ABCC1: variants seen among roughly 807,000 people sequenced by gnomAD.
ABCC1 encodes the protein ATP binding cassette subfamily C member 1 (ABCC1 blood group), also known as multidrug resistance-associated protein 1.
Under a neutral mutation model 172.9 loss-of-function variants are expected in ABCC1, and 83 were observed. That is an observed-to-expected ratio of 0.48 (90% CI 0.40 to 0.58). The LOEUF is 0.58. ABCC1 is among the 20% of genes least tolerant of loss of function. The pLI is 0.00. For missense variants in ABCC1, 1,817 were observed against 2,002.7 expected (o/e 0.91, Z 1.77); for synonymous variants, 937 against 825.2 (o/e 1.14, Z -2.32).
At chr16:16,122,374 G>A (rs551843207) in intron 24 of ABCC1, among the ~76,000 whole-genome samples, 200 bp downstream of exon 24, 2 of 152,152 alleles carry the variant, frequency 1.3e-5, no homozygotes, top group African/African-American at 2.4e-5. Flanking sequence ...TGCAGTGCCC[G>A]CGGCATTTAA....
At chr16:16,042,635 G>A (rs1419794725) in intron 7 of ABCC1, among the ~76,000 whole-genome samples, 2 of 151,766 alleles carry the variant, frequency 1.3e-5, no homozygotes, top group Admixed American at 6.6e-5. Flanking sequence ...CGCAGGAGGC[G>A]GAGGTTGCAG....
chr16:16,002,028 T>A lies in ABCC1; in HGVS notation c.49-5788T>A, dbSNP rs531637829. Among the ~76,000 whole-genome samples the A allele has an allele frequency of 3.3e-5, 5 of 152,306 alleles. No homozygotes were observed. The South Asian group carries it at 1.0e-3, about 32-fold the overall frequency. ...CCACCACACCTGGCAGAGAAAGTGA[T>A]CTTATCAACACTCTTGCTTGAGTGT... On this transcript the variant is annotated intron_variant, in intron 1 of 30. Coordinates refer to ENST00000399410, the MANE Select transcript of ABCC1 (RefSeq NM_004996.4).
intron 1 of ABCC1, among the ~76,000 whole-genome samples, chr16:15,950,599 T>A (rs930642179): frequency 2.0e-5 from 3 of 152,158 alleles, no homozygotes; most frequent in African/African-American, 7.2e-5. Flanking sequence ...CCTGACTGGG[T>A]GTCTGGAGTC....
Position 16,102,864 on chromosome 16 carries a change from T to A in ABCC1, c.2735+147T>A, listed in dbSNP as rs573796774. 8.1e-6 allele frequency: 6 copies of A among 743,280 alleles called. No individual in the cohort carries two copies. In the Admixed American group the frequency reaches 1.4e-4, roughly 18 times the overall value. The allele number at this position is 743,280 out of a possible 1,614,324, so 46.0% of individuals were successfully genotyped here. A position where few individuals can be genotyped will look rare whatever the true frequency, so the allele number is the denominator to read the frequency against. On this transcript the variant is annotated intron_variant, in intron 20 of 30. Coordinates refer to ENST00000399410, the MANE Select transcript of ABCC1 (RefSeq NM_004996.4). ...CTCCCAAATCCTCCAAGGACCTTGC[T>A]TTTCAGAGTACAGAGGCCCAAAGAA...
chr16:16,135,318 C>T (rs1403800753), intron 28 of ABCC1, among the ~76,000 whole-genome samples: 1 of 152,210 alleles, frequency 6.6e-6, no homozygotes, highest in Non-Finnish European at 1.5e-5. Context: ...TTACCCTCCT[C>T]CATCTGTCCC....
intron 23 of ABCC1, 71 bp downstream of exon 23, chr16:16,115,147 T>C (rs1466350607): frequency 6.7e-7 from 1 of 1,488,108 alleles, no homozygotes; most frequent in South Asian, 1.3e-5. Context: ...CCTAAAGCCT[T>C]GTTTTATCTT....
chr16:15,951,249 A>C (rs1287203201), intron 1 of ABCC1, among the ~76,000 whole-genome samples: 1 of 152,198 alleles, frequency 6.6e-6, no homozygotes, highest in Non-Finnish European at 1.5e-5. Context: ...AGGAGGGGGC[A>C]AAACAGGGTG....
intron 1 of ABCC1, among the ~76,000 whole-genome samples, chr16:15,976,236 C>T (rs929950068): frequency 8.5e-5 from 13 of 152,168 alleles, no homozygotes; most frequent in African/African-American, 3.1e-4. Context: ...TACTGCACTC[C>T]AGCCTGGGCA....
At chr16:15,966,822 T>A (rs1158821274) in intron 1 of ABCC1, among the ~76,000 whole-genome samples, 3 of 151,916 alleles carry the variant, frequency 2.0e-5, no homozygotes, top group African/African-American at 7.3e-5. Context: ...AGCTAATTTT[T>A]AATTTTTTTT....
intron 21 of ABCC1, among the ~76,000 whole-genome samples, chr16:16,107,653 C>G (rs1596514009): frequency 6.6e-6 from 1 of 152,114 alleles, no homozygotes; most frequent in South Asian, 2.1e-4. Flanking sequence ...TGGGTCCTAC[C>G]CTGCCTTCTC....
At chr16:16,081,464 A>G (rs758347409) in intron 16 of ABCC1, among the ~76,000 whole-genome samples, 4 of 152,090 alleles carry the variant, frequency 2.6e-5, no homozygotes, top group Non-Finnish European at 4.4e-5. Context: ...ATTATTTATT[A>G]TTGGTTGTTT....
chr16:16,044,594 C>G lies in ABCC1; in HGVS notation c.954C>G (p.Tyr318Ter). Residue 318 changes from tyrosine (Y) to a stop codon, truncating the protein, a stop_gained, in exon 8 of 31, where the codon TAC becomes TAG. Transcript: ENST00000399410. LOFTEE classifies it high-confidence loss of function. ...ACCCCTCTCTGTTTAAGGTGTTATA[C>G]AAGACCTTTGGGCCCTACTTCCTCA... ...EWNPSLFKVL[Y>*]KTFGPYFLMS... 1 of 1,614,188 alleles carries G rather than the reference C, an allele frequency of 6.2e-7. No homozygotes were observed. The highest frequency in any genetic ancestry group is 8.5e-7 in the Non-Finnish European group (1 of 1,180,032).
At chr16:16,131,663 C>CG (rs1246142112) in intron 26 of ABCC1, 126 bp from the exon 27 acceptor site, 38 of 1,027,104 alleles carry the variant, frequency 3.7e-5, no homozygotes, top group African/African-American at 6.5e-5. Context: ...GAAGGGCAAC[C>CG]CCCCAGTGCT....
chr16:15,986,065 G>T (rs762721162), intron 1 of ABCC1, among the ~76,000 whole-genome samples: 1 of 151,870 alleles, frequency 6.6e-6, no homozygotes, highest in Non-Finnish European at 1.5e-5. Flanking sequence ...TTCCTGAGTA[G>T]CTGGGATTAC....
At position 16,090,331 on chromosome 16, in the gene ABCC1, T is replaced by C. The variant is rs546216053; in HGVS notation, c.2461-74T>C. On this transcript the variant is annotated intron_variant, in intron 18 of 30. Coordinates refer to ENST00000399410, the MANE Select transcript of ABCC1 (RefSeq NM_004996.4). ...GGTGTTCGTCGGCTCATTCCTCCTT[T>C]AGTCTTCACTCTGCCAAGCTAGGCA... 6.1e-5 allele frequency: 88 copies of C among 1,441,272 alleles called. No homozygotes were observed. The South Asian group carries it at 1.2e-3, about 20-fold the overall frequency. The allele number at this position is 1,441,272 out of a possible 1,614,324, so 89.3% of individuals were successfully genotyped here.
chr16:16,094,225 G>A, intron 19 of ABCC1: 1 of 274,010 alleles, frequency 3.6e-6, no homozygotes, highest in Non-Finnish European at 7.4e-6. Flanking sequence ...CGCAACTTAG[G>A]TGCTTTCTTC....
At chr16:15,969,054 A>G (rs1223151030) in intron 1 of ABCC1, among the ~76,000 whole-genome samples, 1 of 152,090 alleles carries the variant, frequency 6.6e-6, no homozygotes, top group Non-Finnish European at 1.5e-5. Context: ...CTAAAAATAC[A>G]AAAATTAACT....
chr16:16,004,183 C>T (rs1271129820), intron 1 of ABCC1, among the ~76,000 whole-genome samples: 1 of 151,992 alleles, frequency 6.6e-6, no homozygotes, highest in African/African-American at 2.4e-5. Flanking sequence ...GCGGGGAGGA[C>T]TCAGTAGGAC....
intron 5 of ABCC1, among the ~76,000 whole-genome samples, chr16:16,032,655 T>C (rs1454974567): frequency 1.3e-5 from 2 of 152,220 alleles, no homozygotes; most frequent in Non-Finnish European, 2.9e-5. Context: ...TCAATAAATA[T>C]TCAGTGACTG....
Sources: allele counts gnomAD v4.1 joint callset (sites outside exome capture counted in the v4.1 genomes callset), GRCh38; gene constraint gnomAD v4.1.1; transcripts MANE v1.5; gene names NCBI Gene and HGNC (gene_info 2026-07-23, HGNC 2026-07-21).